Variants in GPC4 observed in about 807,000 individuals in gnomAD.
GPC4 encodes the protein glypican-4.
In GPC4, 10 loss-of-function variants were observed where a neutral mutation model predicts 35.0. The ratio of observed to expected loss-of-function variants is 0.29; its 90% CI spans 0.18 to 0.48. GPC4 has a LOEUF of 0.48. Ranked by LOEUF, GPC4 falls within the 20% of genes least tolerant of loss-of-function variation. GPC4 has a pLI of 0.99. For missense variants in GPC4, 322 were observed against 451.3 expected (o/e 0.71, Z 2.60); for synonymous variants, 167 against 170.2 (o/e 0.98, Z 0.15).
At chrX:133,414,197 GA>G (rs1188646266) in intron 1 of GPC4, among the ~76,000 whole-genome samples, 7 of 110,907 alleles carry the variant, frequency 6.3e-5, no homozygotes, top group African/African-American at 2.3e-4. Context: ...GGCGACTTCT[GA>G]AGCGGTTGCG....
chrX:133,365,581 C>T (rs924898495), intron 1 of GPC4, among the ~76,000 whole-genome samples: 13 of 111,505 alleles, frequency 1.2e-4, no homozygotes, highest in African/African-American at 3.6e-4. Flanking sequence ...TTGAGCCTCC[C>T]TACCCTCAAG....
At chrX:133,409,411 T>A (rs141805698) in intron 1 of GPC4, among the ~76,000 whole-genome samples, 1 of 102,605 alleles carries the variant, frequency 9.7e-6, no homozygotes, top group Non-Finnish European at 2.0e-5. Context: ...TGACAATCTA[T>A]CATCAAGGCA....
rs141897759 is a variant in GPC4, at chrX:133,414,406, C to T, written c.160+400G>A. On this transcript the variant is annotated intron_variant, in intron 1 of 8. Transcript: ENST00000370828. Reference sequence around the variant, plus strand: ...GCCTCTCCTCACCCATACAACAAAGCGGGGCGTCCTATAAGGAGTTCAACC... The same window carrying T: ...GCCTCTCCTCACCCATACAACAAAGTGGGGCGTCCTATAAGGAGTTCAACC... 1.5e-5 allele frequency: 10 copies of T among 675,555 alleles called. No homozygotes were observed. The East Asian group carries it at 1.2e-3, about 79-fold the overall frequency. 55.7% of individuals were successfully genotyped at this position (675,555 alleles called of 1,213,427 possible). A position where few individuals can be genotyped will look rare whatever the true frequency, so the allele number is the denominator to read the frequency against.
rs954223149 is a variant in GPC4, at chrX:133,362,752, T to C, written c.161-23411A>G. Among the ~76,000 whole-genome samples, 4 of 112,024 alleles carry C rather than the reference T, an allele frequency of 3.6e-5. No homozygotes were observed. In the Admixed American group the frequency reaches 3.8e-4, roughly 11 times the overall value. On this transcript the variant is annotated intron_variant, in intron 1 of 8. Coordinates refer to ENST00000370828, the MANE Select transcript of GPC4 (RefSeq NM_001448.3). ...TGTGTGATGGCTCACACAATCTTTA[T>C]TTCATGAAAACCTACACAATGATGA...
At chrX:133,320,624 CAAAAAAAAAAA>C (rs11329655) in intron 3 of GPC4, among the ~76,000 whole-genome samples, 1 of 37,742 alleles carries the variant, frequency 2.6e-5, no homozygotes, top group Non-Finnish European at 4.7e-5. Context: ...AACTCTGTCT[CAAAAAAAAAAA>C]AAAAAAAAAA....
intron 1 of GPC4, among the ~76,000 whole-genome samples, chrX:133,362,597 A>G (rs1291268262): frequency 9.0e-6 from 1 of 111,500 alleles, no homozygotes; most frequent in African/African-American, 3.3e-5. Context: ...AACATTTCCT[A>G]CTTCTTAGCA....
At chrX:133,379,985 C>T (rs971713466) in intron 1 of GPC4, among the ~76,000 whole-genome samples, 13 of 110,561 alleles carry the variant, frequency 1.2e-4, no homozygotes, top group African/African-American at 4.3e-4. Flanking sequence ...ACAAAAACTT[C>T]GAAAGTGCCA....
chrX:133,345,883 C>A (rs2068489650), intron 1 of GPC4, among the ~76,000 whole-genome samples: 1 of 111,854 alleles, frequency 8.9e-6, no homozygotes, highest in African/African-American at 3.3e-5. Context: ...ACAAAATGCA[C>A]AGCAAAGCAA....
At chrX:133,411,948 C>G (rs1347008836) in intron 1 of GPC4, among the ~76,000 whole-genome samples, 2 of 111,354 alleles carry the variant, frequency 1.8e-5, no homozygotes, top group Non-Finnish European at 3.8e-5. Context: ...AAGACTGAGA[C>G]TCCTCCAGAA....
chrX:133,313,283 C>A (rs907152535), intron 3 of GPC4, among the ~76,000 whole-genome samples: 2 of 112,700 alleles, frequency 1.8e-5, no homozygotes, highest in African/African-American at 6.4e-5. Context: ...TCCCCTCATC[C>A]CAAACAAGGC....
At chrX:133,354,540 T>TCTTA (rs1569348976) in intron 1 of GPC4, among the ~76,000 whole-genome samples, 2 of 95,653 alleles carry the variant, frequency 2.1e-5, no homozygotes, top group Non-Finnish European at 4.1e-5. Flanking sequence ...CAAGGTCATG[T>TCTTA]TTTATTTATT....
intron 1 of GPC4, among the ~76,000 whole-genome samples, chrX:133,413,552 C>T (rs1478019292): frequency 9.0e-6 from 1 of 111,514 alleles, no homozygotes; most frequent in Non-Finnish European, 1.9e-5. Context: ...GCCCCCTGCC[C>T]GCCCCACCCG....
At chrX:133,408,710 C>A (rs1184885705) in intron 1 of GPC4, among the ~76,000 whole-genome samples, 1 of 111,190 alleles carries the variant, frequency 9.0e-6, no homozygotes, top group Non-Finnish European at 1.9e-5. Context: ...CCAGCCTGGG[C>A]AACAAGAGCG....
chrX:133,305,646 C>A, intron 6 of GPC4, 126 bp downstream of exon 6: 1 of 880,411 alleles, frequency 1.1e-6, no homozygotes, highest in Non-Finnish European at 1.6e-6. Context: ...ACATCCACAT[C>A]CTATTTGCTT....
chrX:133,366,740 C>T (rs755911291), intron 1 of GPC4, among the ~76,000 whole-genome samples: 6 of 110,948 alleles, frequency 5.4e-5, no homozygotes, highest in Non-Finnish European at 1.1e-4. Context: ...CCCCAACTTT[C>T]CACACCTAAG....
intron 7 of GPC4, among the ~76,000 whole-genome samples, 177 bp from the exon 8 acceptor site, chrX:133,303,518 A>C (rs1224473449): frequency 1.8e-5 from 2 of 112,005 alleles, no homozygotes; most frequent in East Asian, 5.6e-4. Flanking sequence ...GAAGTTCTTT[A>C]ATTCCTAATG....
chrX:133,382,734 A>AAAAC (rs374971687), intron 1 of GPC4, among the ~76,000 whole-genome samples: 2,123 of 112,560 alleles, frequency 0.019, 54 homozygotes, highest in African/African-American at 0.065. Flanking sequence ...CTCCGTCTCA[A>AAAAC]AAACAAACAA....
chrX:133,308,749 G>A (rs1370912067), intron 4 of GPC4, among the ~76,000 whole-genome samples: 2 of 110,983 alleles, frequency 1.8e-5, no homozygotes, highest in Non-Finnish European at 3.8e-5. Context: ...CTGGCACTGA[G>A]TTTCCCCCCA....
chrX:133,306,103 G>A lies in GPC4; in HGVS notation c.929C>T (p.Ser310Leu), dbSNP rs367644057. ...ERLEGPFNIE[S>L]VMDPIDVKIS... ...CTTCACATCGATGGGATCCATGACC[G>A]ATTCAATGTTGAAAGGACCCTCTAG... The change falls in exon 5 of 9, where the codon TCG becomes TTG. Residue 310 changes from serine (S) to leucine (L), a missense_variant. Physicochemically the swap from Ser to Leu is moderately radical, Grantham distance 145. This residue lies in a region of GPC4 where 163 missense variants were observed against 277.2 expected (regional missense o/e 0.59). Coordinates refer to ENST00000370828, the MANE Select transcript of GPC4 (RefSeq NM_001448.3). 9 of 1,208,034 alleles carry A rather than the reference G, an allele frequency of 7.5e-6. No homozygotes were observed. In the African/African-American group the frequency reaches 8.8e-5, roughly 12 times the overall value.
Sources: allele counts gnomAD v4.1 joint callset (sites outside exome capture counted in the v4.1 genomes callset), GRCh38; gene constraint gnomAD v4.1.1; regional missense constraint gnomAD v4.1.1; transcripts MANE v1.5; gene names NCBI Gene and HGNC (gene_info 2026-07-23, HGNC 2026-07-21).